ADGRD1: variants seen among roughly 807,000 people sequenced by gnomAD.
ADGRD1 encodes the protein adhesion G protein-coupled receptor D1.
Under a neutral mutation model 113.4 loss-of-function variants are expected in ADGRD1, and 77 were observed. The observed-to-expected ratio is 0.68, with a 90% confidence interval of 0.57 to 0.82. ADGRD1 has a LOEUF of 0.82. Among genes scored for constraint, ADGRD1 ranks in the 40% least tolerant of loss-of-function variants. The pLI is 0.00. For synonymous variants in ADGRD1, 474 were observed against 475.0 expected, an observed-to-expected ratio of 1.00 and a Z score of 0.03; for missense variants, 1,036 against 1,139.1, an observed-to-expected ratio of 0.91 and a Z score of 1.30.
At chr12:131,074,115 T>G (rs1334845402) in intron 13 of ADGRD1, among the ~76,000 whole-genome samples, 1 of 152,218 alleles carries the variant, frequency 6.6e-6, no homozygotes, top group Non-Finnish European at 1.5e-5. Context: ...AAGGAGACAC[T>G]TTGGTGTACC....
At chr12:131,133,906 G>A (rs1335659021) in intron 21 of ADGRD1, among the ~76,000 whole-genome samples, 2 of 152,188 alleles carry the variant, frequency 1.3e-5, no homozygotes, top group South Asian at 4.1e-4. Flanking sequence ...AAGCAGCCCA[G>A]TACTCAGTGA....
In ADGRD1 at chr12:130,954,669, G is replaced by A. The variant is rs201010859; in HGVS notation, c.103+9G>A. 3.4e-5 allele frequency: 55 copies of A among 1,611,972 alleles called. No individual in the cohort carries two copies. Among genetic ancestry groups the A allele is most frequent in the Non-Finnish European group, 1.7e-6 (2 of 1,179,366 alleles). On this transcript the variant is annotated intron_variant, in intron 2 of 24. Transcript: ENST00000261654. This position sits in a 1 kb window ranked among gnomAD's most constrained non-coding sequence, Gnocchi z 4.7. Reference sequence around the variant, plus strand: ...ATCGCAGGACCATCCAGGTAAGAGTGTTTCCTTCTCACTCTGAGCACCGCT... The same window carrying A: ...ATCGCAGGACCATCCAGGTAAGAGTATTTCCTTCTCACTCTGAGCACCGCT...
chr12:131,056,727 T>C (rs537190480), intron 13 of ADGRD1, among the ~76,000 whole-genome samples: 1 of 152,354 alleles, frequency 6.6e-6, no homozygotes, highest in East Asian at 1.9e-4. Context: ...GGGTGGACCA[T>C]GGAACCTGAC....
chr12:131,120,421 G>A (rs1310878423), intron 19 of ADGRD1, among the ~76,000 whole-genome samples: 1 of 152,156 alleles, frequency 6.6e-6, no homozygotes, highest in Admixed American at 6.5e-5. Context: ...TGGAGGGCAC[G>A]GAGAGAGGGG....
chr12:131,139,179 C>T lies in ADGRD1; in HGVS notation c.2541C>T (p.Thr847=), dbSNP rs1303163532. 1.9e-6 allele frequency: 3 copies of T among 1,613,002 alleles called. No homozygotes were observed. The highest frequency in any genetic ancestry group is 2.5e-6 in the Non-Finnish European group (3 of 1,179,722). Residue 847 remains threonine, a synonymous_variant, in exon 25 of 25, where the codon ACC becomes ACT. Transcript: ENST00000261654. ...TTTATGCTTTGCAGATGAATGGGAC[C>T]CGGCCAGGCATGGCCTCCACCAAGC... ...KPFHSDLMNG[T]RPGMASTKLS...
chr12:131,008,841 C>T (rs1172073305), intron 12 of ADGRD1, among the ~76,000 whole-genome samples: 2 of 152,214 alleles, frequency 1.3e-5, no homozygotes, highest in East Asian at 1.9e-4. Context: ...AAGGGCCTCT[C>T]CCCAGGCTGT....
At chr12:131,136,948 C>G (rs186705295) in intron 22 of ADGRD1, 25 bp from the exon 23 acceptor site, 213 of 1,593,444 alleles carry the variant, frequency 1.3e-4, no homozygotes, top group Admixed American at 6.3e-4. Flanking sequence ...GCTCTAATCT[C>G]TGCGTTTCTT....
intron 15 of ADGRD1, chr12:131,091,782 T>G (rs1886927130): frequency 6.6e-6 from 1 of 152,266 alleles, no homozygotes; most frequent in Admixed American, 6.5e-5. Context: ...GCCTGTGGGC[T>G]CTGACCCAGG....
chr12:131,055,968 T>A (rs1883830709), intron 13 of ADGRD1, among the ~76,000 whole-genome samples: 1 of 152,130 alleles, frequency 6.6e-6, no homozygotes, highest in Admixed American at 6.5e-5. Flanking sequence ...GTAAAATAGA[T>A]CAGAATTTTA....
intron 14 of ADGRD1, among the ~76,000 whole-genome samples, chr12:131,077,399 C>T (rs982763052): frequency 6.6e-6 from 1 of 152,222 alleles, no homozygotes; most frequent in South Asian, 2.1e-4. Context: ...CCCAGCATCT[C>T]CCATGTCCAC....
At chr12:130,979,625 C>CAAAT (rs1872706905) in intron 4 of ADGRD1, among the ~76,000 whole-genome samples, 1 of 152,262 alleles carries the variant, frequency 6.6e-6, no homozygotes, top group Middle Eastern at 3.4e-3. Context: ...AAGCCCAGGG[C>CAAAT]AAATATCCTT....
chr12:131,131,520 G>GT (rs2136096124), intron 20 of ADGRD1, among the ~76,000 whole-genome samples: 1 of 152,332 alleles, frequency 6.6e-6, no homozygotes, highest in South Asian at 2.1e-4. Flanking sequence ...CTCAGTGCAG[G>GT]TGCTCTCAGA....
At chr12:131,068,379 A>G (rs1416982760) in intron 13 of ADGRD1, among the ~76,000 whole-genome samples, 1 of 152,120 alleles carries the variant, frequency 6.6e-6, no homozygotes, top group Non-Finnish European at 1.5e-5. Context: ...CAGATATTCT[A>G]CTAGGAATGA....
Position 130,971,421 on chromosome 12 carries a change from G to T in ADGRD1, c.188-37G>T, listed in dbSNP as rs372391622. ...ATCTTCAGACTTTTAATCTCGGAAGGTTATTAACATATGATGTTGTCATTT... is the reference window on the plus strand; with the variant it reads ...ATCTTCAGACTTTTAATCTCGGAAGTTTATTAACATATGATGTTGTCATTT... On this transcript the variant is annotated intron_variant, in intron 3 of 24. Transcript: ENST00000261654. This position sits in a 1 kb window ranked among gnomAD's most constrained non-coding sequence, Gnocchi z 4.2. 4 of 1,597,284 alleles carry T rather than the reference G, an allele frequency of 2.5e-6. No individual in the cohort carries two copies. Among genetic ancestry groups the T allele is most frequent in the Non-Finnish European group, 3.4e-6 (4 of 1,167,996 alleles).
chr12:131,047,680 C>T (rs571825546), intron 13 of ADGRD1, among the ~76,000 whole-genome samples: 2 of 152,308 alleles, frequency 1.3e-5, no homozygotes, highest in Admixed American at 1.3e-4. Flanking sequence ...ATTGTCAGTG[C>T]CAGGGACGTC....
chr12:131,122,720 C>T (rs942350633), intron 20 of ADGRD1, among the ~76,000 whole-genome samples: 1 of 152,194 alleles, frequency 6.6e-6, no homozygotes, highest in Non-Finnish European at 1.5e-5. Context: ...CCTCTAGAAC[C>T]GCAGGGCCTG....
rs180712153 is a variant in ADGRD1 at position 130,984,786 on chromosome 12, C to G, written c.491-2309C>G. Among the ~76,000 whole-genome samples the G allele has an allele frequency of 9.2e-5, 14 of 151,620 alleles. No individual in the cohort carries two copies. The highest frequency in any genetic ancestry group is 3.1e-4 in the African/African-American group (13 of 41,352). ...TCCCTTTCTTCTTCCCCTCCTCTCT[C>G]TTTTCCTTCTTTCCCTCCCTCCCTT... is the stretch of plus-strand genomic sequence containing the variant. On this transcript the variant is annotated intron_variant, in intron 5 of 24. Coordinates refer to ENST00000261654, the MANE Select transcript of ADGRD1 (RefSeq NM_198827.5). The surrounding 1 kb of genome is among the most constrained non-coding windows in gnomAD (Gnocchi z 4.1).
chr12:131,048,285 G>A (rs1189754716), intron 13 of ADGRD1, among the ~76,000 whole-genome samples: 1 of 152,192 alleles, frequency 6.6e-6, no homozygotes, highest in Non-Finnish European at 1.5e-5. Flanking sequence ...GGGCAGCCCC[G>A]CACCATCTGT....
At position 131,003,053 on chromosome 12, in the gene ADGRD1, G is replaced by T; in HGVS notation, c.1027-132G>T. The T allele has an allele frequency of 5.1e-6, 4 of 783,262 alleles. No homozygotes were observed. The highest frequency in any genetic ancestry group is 8.9e-6 in the Non-Finnish European group (4 of 450,134). 48.5% of individuals were successfully genotyped at this position (783,262 alleles called of 1,614,324 possible). A position where few individuals can be genotyped will look rare whatever the true frequency, so the allele number is the denominator to read the frequency against. On this transcript the variant is annotated intron_variant, in intron 9 of 24. Transcript: ENST00000261654. This position sits in a 1 kb window ranked among gnomAD's most constrained non-coding sequence, Gnocchi z 4.8. ...GGTCCCCTCCTGATCCATGGGAAGG[G>T]GCAGTTGTGTGACTTCTTCCTCCCT...
Sources: gnomAD v4.1 joint callset for allele counts (sites outside exome capture counted in the v4.1 genomes callset) on GRCh38, gnomAD v4.1.1 for gene constraint, Gnocchi (gnomAD v3.1) non-coding constraint, MANE v1.5 for transcripts, NCBI Gene and HGNC (gene_info 2026-07-23, HGNC 2026-07-21) for gene names.